EXOC6B: variants seen among roughly 807,000 people sequenced by gnomAD.
EXOC6B encodes the protein SEC15 homolog B.
A neutral mutation model predicts 113.5 loss-of-function variants in EXOC6B; 54 were observed. That is an observed-to-expected ratio of 0.48 (90% CI 0.38 to 0.60). The LOEUF (loss-of-function observed/expected upper bound fraction) is 0.60. Among genes scored for constraint, EXOC6B ranks in the 20% least tolerant of loss-of-function variants. The probability of loss-of-function intolerance (pLI) is 0.00; values close to 1 mark genes in which losing one functional copy is unlikely to be tolerated. For missense variants in EXOC6B, 797 were observed against 977.5 expected, an observed-to-expected ratio of 0.82 and a Z score of 2.46; for synonymous variants, 357 against 339.0, an observed-to-expected ratio of 1.05 and a Z score of -0.58.
At chr2:72,552,740 C>A (rs1386349171) in intron 8 of EXOC6B, among the ~76,000 whole-genome samples, 1 of 151,856 alleles carries the variant, frequency 6.6e-6, no homozygotes, top group African/African-American at 2.4e-5. Context: ...CAAAAAAAAT[C>A]TATCAATGAA....
At chr2:72,390,034 G>A (rs1465339740) in intron 18 of EXOC6B, among the ~76,000 whole-genome samples, 2 of 152,046 alleles carry the variant, frequency 1.3e-5, no homozygotes, top group Admixed American at 6.6e-5. Flanking sequence ...GCAGTGAGCC[G>A]AGATCGCACC....
intron 1 of EXOC6B, among the ~76,000 whole-genome samples, chr2:72,819,323 T>C (rs1559028522): frequency 6.6e-6 from 1 of 152,236 alleles, no homozygotes; most frequent in Non-Finnish European, 1.5e-5. Flanking sequence ...TTGTTGTTTC[T>C]TCTTAAGTCA....
chr2:72,649,493 C>A (rs1276753069), intron 6 of EXOC6B, among the ~76,000 whole-genome samples: 1 of 151,218 alleles, frequency 6.6e-6, no homozygotes, highest in Non-Finnish European at 1.5e-5. Context: ...CTACTATATG[C>A]CCACAAAAAT....
At chr2:72,369,359 A>G (rs1217636169) in intron 19 of EXOC6B, among the ~76,000 whole-genome samples, 1 of 152,238 alleles carries the variant, frequency 6.6e-6, no homozygotes, top group African/African-American at 2.4e-5. Context: ...ACGAAATAAA[A>G]GAGGATACAA....
chr2:72,578,520 G>T (rs564102815), intron 6 of EXOC6B, among the ~76,000 whole-genome samples: 1 of 151,882 alleles, frequency 6.6e-6, no homozygotes, highest in African/African-American at 2.4e-5. Context: ...CAAAACCCAA[G>T]TACAATTCTT....
At chr2:72,794,240 T>C (rs556410938) in intron 1 of EXOC6B, among the ~76,000 whole-genome samples, 1 of 152,344 alleles carries the variant, frequency 6.6e-6, no homozygotes, top group African/African-American at 2.4e-5. Flanking sequence ...TTTCTCTAAC[T>C]ATGGCATCTT....
intron 6 of EXOC6B, among the ~76,000 whole-genome samples, chr2:72,621,989 T>G (rs1282806531): frequency 6.6e-6 from 1 of 152,062 alleles, no homozygotes; most frequent in Non-Finnish European, 1.5e-5. Flanking sequence ...GTTTATACAT[T>G]AACTTAAAAA....
intron 18 of EXOC6B, among the ~76,000 whole-genome samples, chr2:72,447,338 G>C (rs1242528019): frequency 6.6e-6 from 1 of 152,104 alleles, no homozygotes; most frequent in Non-Finnish European, 1.5e-5. Context: ...AGACACCTAA[G>C]AAATGTCTAT....
intron 6 of EXOC6B, among the ~76,000 whole-genome samples, chr2:72,593,945 T>A (rs1473752710): frequency 2.0e-5 from 3 of 152,148 alleles, no homozygotes; most frequent in African/African-American, 7.2e-5. Context: ...GTTCGTTCCC[T>A]AGTAAATTCT....
intron 18 of EXOC6B, among the ~76,000 whole-genome samples, chr2:72,383,194 G>A (rs1691795915): frequency 6.6e-6 from 1 of 152,058 alleles, no homozygotes; most frequent in Admixed American, 6.6e-5. Context: ...ACTATCAACA[G>A]AGAAAACAGA....
At chr2:72,225,460 T>G (rs1055087274) in intron 20 of EXOC6B, among the ~76,000 whole-genome samples, 1 of 152,206 alleles carries the variant, frequency 6.6e-6, no homozygotes. Context: ...AAATCATTAT[T>G]GGAATGAGAT....
At chr2:72,716,953 T>A (rs1679660140) in intron 6 of EXOC6B, among the ~76,000 whole-genome samples, 1 of 152,174 alleles carries the variant, frequency 6.6e-6, no homozygotes. Context: ...CAATAAAGAC[T>A]TATCTTAGAA....
chr2:72,612,785 C>T (rs1048408960), intron 6 of EXOC6B, among the ~76,000 whole-genome samples: 1 of 152,176 alleles, frequency 6.6e-6, no homozygotes, highest in Non-Finnish European at 1.5e-5. Flanking sequence ...TACTTCCTTA[C>T]AAGACAAAAT....
intron 1 of EXOC6B, among the ~76,000 whole-genome samples, chr2:72,803,538 T>C (rs910479901): frequency 1.3e-5 from 2 of 152,052 alleles, no homozygotes; most frequent in Admixed American, 6.6e-5. Context: ...CCAAAACACT[T>C]TGAGAGCAAA....
At chr2:72,403,792 A>C (rs1017156075) in intron 18 of EXOC6B, among the ~76,000 whole-genome samples, 3 of 152,202 alleles carry the variant, frequency 2.0e-5, no homozygotes, top group African/African-American at 7.2e-5. Context: ...GCGACGCATA[A>C]GACTGGTGAT....
At chr2:72,310,464 T>C (rs759412491) in intron 20 of EXOC6B, among the ~76,000 whole-genome samples, 1 of 152,194 alleles carries the variant, frequency 6.6e-6, no homozygotes, top group Non-Finnish European at 1.5e-5. Context: ...TCAAATCCCT[T>C]GCCTTTATTT....
intron 18 of EXOC6B, among the ~76,000 whole-genome samples, chr2:72,384,359 A>C (rs1206579296): frequency 6.6e-6 from 1 of 152,028 alleles, no homozygotes; most frequent in East Asian, 1.9e-4. Flanking sequence ...GTATAGAAGG[A>C]ATGTAACTTA....
chr2:72,259,452 T>G (rs887392442), intron 20 of EXOC6B, among the ~76,000 whole-genome samples: 1 of 152,200 alleles, frequency 6.6e-6, no homozygotes, highest in Admixed American at 6.5e-5. Flanking sequence ...TCTTGGGATC[T>G]TTCATCTTCT....
intron 20 of EXOC6B, among the ~76,000 whole-genome samples, chr2:72,242,402 C>G (rs747833650): frequency 2.0e-5 from 3 of 152,140 alleles, no homozygotes; most frequent in Non-Finnish European, 2.9e-5. Context: ...TATTTGCACT[C>G]ACACATGATG....
Sources: allele counts gnomAD v4.1 joint callset (sites outside exome capture counted in the v4.1 genomes callset), GRCh38; gene constraint gnomAD v4.1.1; transcripts MANE v1.5; gene names NCBI Gene and HGNC (gene_info 2026-07-23, HGNC 2026-07-21).